Variants in RAPGEF2 observed in about 807,000 individuals in gnomAD.
RAPGEF2 encodes PDZ domain containing guanine nucleotide exchange factor (GEF) 1.
Under a neutral mutation model 186.7 loss-of-function variants are expected in RAPGEF2, and 54 were observed. That is an observed-to-expected ratio of 0.29 (90% CI 0.23 to 0.36). The LOEUF is 0.36. Among genes scored for constraint, RAPGEF2 ranks in the 10% least tolerant of loss-of-function variants. RAPGEF2 has a pLI of 1.00. For missense variants in RAPGEF2, 1,532 were observed against 2,045.0 expected, an observed-to-expected ratio of 0.75 and a Z score of 4.84; for synonymous variants, 712 against 705.9, an observed-to-expected ratio of 1.01 and a Z score of -0.14.
At chr4:159,190,667 C>T (rs903462501) in intron 2 of RAPGEF2, among the ~76,000 whole-genome samples, 4 of 152,150 alleles carry the variant, frequency 2.6e-5, no homozygotes, top group African/African-American at 4.8e-5. Context: ...GAAGGGGAAG[C>T]AAACACATCT....
At position 159,314,643 on chromosome 4, in the gene RAPGEF2, C is replaced by G; in HGVS notation, c.728C>G (p.Ala243Gly). The change falls in exon 9 of 30, where the codon GCA becomes GGA. Residue 243 changes from alanine to glycine, a missense_variant. Physicochemically the swap from Ala to Gly is moderately conservative, Grantham distance 60. Transcript: ENST00000691494. ...GACCTGAGTGGGTTGCCAGAAACAG[C>G]AGTGGATTCCGAAGACGACGACGAT... The part of the protein sequence containing the change: ...DMDLSGLPET[A>G]VDSEDDDDEE... 6.2e-7 allele frequency: 1 copy of G among 1,613,912 alleles called. No individual in the cohort carries two copies. Among genetic ancestry groups the G allele is most frequent in the Admixed American group, 1.7e-5 (1 of 60,000 alleles).
intron 8 of RAPGEF2, among the ~76,000 whole-genome samples, chr4:159,312,704 G>A (rs1362872887): frequency 6.6e-6 from 1 of 152,074 alleles, no homozygotes; most frequent in Non-Finnish European, 1.5e-5. Flanking sequence ...AATAATATAT[G>A]CATTTTAGTT....
chr4:159,227,051 T>C (rs988600586), intron 4 of RAPGEF2, among the ~76,000 whole-genome samples: 7 of 152,234 alleles, frequency 4.6e-5, no homozygotes, highest in African/African-American at 7.2e-5. Context: ...AGGTTCAGTC[T>C]TACAAAGAAA....
Position 159,358,672 on chromosome 4 carries a change from TA to T in RAPGEF2, c.*545del, listed in dbSNP as rs11337410. On this transcript the variant is annotated 3_prime_UTR_variant, in exon 30 of 30. Coordinates refer to ENST00000691494, the MANE Select transcript of RAPGEF2 (RefSeq NM_001394067.2). ...CCACTTGTTTACAATGTCCTCCTTT[TA>T]AAAAAAAAAAATGAGTTTAAAGATT... 73,215 of 150,424 alleles carry T rather than the reference TA, an allele frequency of 0.49. 18,965 individuals carry two copies. The highest frequency in any genetic ancestry group is 0.59 in the Non-Finnish European group (40,276 of 67,710). The allele number at this position is 150,424 out of a possible 1,614,324, so 9.3% of individuals were successfully genotyped here.
At chr4:159,149,909 T>C (rs2111187996) in intron 1 of RAPGEF2, among the ~76,000 whole-genome samples, 1 of 152,324 alleles carries the variant, frequency 6.6e-6, no homozygotes, top group South Asian at 2.1e-4. Flanking sequence ...TTCAAAACTT[T>C]ATAAAATGTT....
intron 7 of RAPGEF2, among the ~76,000 whole-genome samples, chr4:159,253,655 A>G (rs1302820018): frequency 6.6e-6 from 1 of 150,752 alleles, no homozygotes; most frequent in Non-Finnish European, 1.5e-5. Flanking sequence ...TTTTTTTATT[A>G]TTTGTTCTTT....
At chr4:159,316,089 C>T (rs1265824120) in intron 9 of RAPGEF2, among the ~76,000 whole-genome samples, 2 of 152,136 alleles carry the variant, frequency 1.3e-5, no homozygotes, top group Non-Finnish European at 2.9e-5. Flanking sequence ...GGGCATCTTC[C>T]CAGATGCTGA....
At chr4:159,352,186 T>A (rs1008760425) in intron 26 of RAPGEF2, among the ~76,000 whole-genome samples, 10 of 152,192 alleles carry the variant, frequency 6.6e-5, no homozygotes, top group Non-Finnish European at 1.3e-4. Flanking sequence ...CATCTTCAGG[T>A]CTTATTTCTT....
At chr4:159,136,163 G>T (rs1353842463) in intron 1 of RAPGEF2, among the ~76,000 whole-genome samples, 1 of 152,196 alleles carries the variant, frequency 6.6e-6, no homozygotes, top group African/African-American at 2.4e-5. Flanking sequence ...AAAAAATATG[G>T]TTGTTTTTCC....
At chr4:159,275,220 C>T (rs1758699822) in intron 7 of RAPGEF2, among the ~76,000 whole-genome samples, 1 of 152,056 alleles carries the variant, frequency 6.6e-6, no homozygotes, top group African/African-American at 2.4e-5. Flanking sequence ...GCCCCATATG[C>T]TTCAGATCTC....
At chr4:159,244,800 A>G (rs1398654976) in intron 7 of RAPGEF2, among the ~76,000 whole-genome samples, 2 of 151,976 alleles carry the variant, frequency 1.3e-5, no homozygotes, top group African/African-American at 4.8e-5. Flanking sequence ...ACAAGAGAGT[A>G]CGTATTAGAA....
chr4:159,133,216 G>A (rs1007040248), intron 1 of RAPGEF2, among the ~76,000 whole-genome samples: 3 of 152,102 alleles, frequency 2.0e-5, no homozygotes, highest in Non-Finnish European at 4.4e-5. Flanking sequence ...TCACAGGGCT[G>A]CAATGAATAC....
At chr4:159,137,846 G>A (rs932710999) in intron 1 of RAPGEF2, among the ~76,000 whole-genome samples, 3 of 151,856 alleles carry the variant, frequency 2.0e-5, no homozygotes, top group Non-Finnish European at 4.4e-5. Context: ...AAGAGTAACT[G>A]TAATTCTTTA....
Position 159,199,452 on chromosome 4 carries a change from T to C in RAPGEF2, c.197+6196T>C, listed in dbSNP as rs556224045. Among the ~76,000 whole-genome samples the C allele has an allele frequency of 2.6e-5, 4 of 151,424 alleles. No individual in the cohort carries two copies. In the East Asian group the frequency reaches 7.8e-4, roughly 29 times the overall value. On this transcript the variant is annotated intron_variant, in intron 3 of 29. Coordinates refer to ENST00000691494, the MANE Select transcript of RAPGEF2 (RefSeq NM_001394067.2). ...CTCATGCCTACCATGGAAATTTGCATTTAGTCTGTTCCCGATGGTTTTTTT... is the reference window on the plus strand; with the variant it reads ...CTCATGCCTACCATGGAAATTTGCACTTAGTCTGTTCCCGATGGTTTTTTT...
intron 1 of RAPGEF2, among the ~76,000 whole-genome samples, chr4:159,121,246 G>A (rs899983752): frequency 2.0e-5 from 3 of 152,072 alleles, no homozygotes; most frequent in African/African-American, 7.2e-5. Flanking sequence ...TTTTAGACTT[G>A]GTGGTACAGG....
intron 2 of RAPGEF2, among the ~76,000 whole-genome samples, chr4:159,187,806 T>G (rs1747707187): frequency 6.6e-6 from 1 of 152,184 alleles, no homozygotes; most frequent in African/African-American, 2.4e-5. Flanking sequence ...TTTTTCCAGG[T>G]CTAGCTATTT....
intron 7 of RAPGEF2, among the ~76,000 whole-genome samples, chr4:159,279,715 C>T (rs1368881809): frequency 6.6e-6 from 1 of 151,812 alleles, no homozygotes; most frequent in Non-Finnish European, 1.5e-5. Flanking sequence ...GGGTCTTACT[C>T]TCACCCAGGC....
At chr4:159,258,877 A>G (rs1579645357) in intron 7 of RAPGEF2, among the ~76,000 whole-genome samples, 3 of 152,206 alleles carry the variant, frequency 2.0e-5, no homozygotes, top group Admixed American at 2.0e-4. Flanking sequence ...TATCAGCACA[A>G]AGAACTTAGT....
intron 1 of RAPGEF2, among the ~76,000 whole-genome samples, chr4:159,116,394 C>T (rs546037316): frequency 3.1e-4 from 47 of 152,236 alleles, no homozygotes; most frequent in South Asian, 2.5e-3. Flanking sequence ...TACCATCTCA[C>T]GCCAGTCAGA....
Sources: gnomAD v4.1 joint callset for allele counts (sites outside exome capture counted in the v4.1 genomes callset) on GRCh38, gnomAD v4.1.1 for gene constraint, MANE v1.5 for transcripts, NCBI Gene and HGNC (gene_info 2026-07-23, HGNC 2026-07-21) for gene names.